The following CD72 variants were observed in gnomAD, a reference collection of about 807,000 sequenced individuals.
CD72 encodes CD72 molecule, also known as B-cell differentiation antigen CD72.
In CD72, 28 loss-of-function variants were observed where a neutral mutation model predicts 50.7. The observed-to-expected ratio is 0.55, with a 90% CI of 0.41 to 0.76. CD72 has a LOEUF of 0.76. Among genes scored for constraint, CD72 ranks in the 30% least tolerant of loss-of-function variants. The pLI, the probability that CD72 is intolerant of heterozygous loss-of-function variation, is 0.00. For synonymous variants in CD72, 176 were observed against 171.2 expected (o/e 1.03, Z -0.22); for missense variants, 403 against 420.6 (o/e 0.96, Z 0.37).
intron 6 of CD72, 44 bp from the exon 7 acceptor site, chr9:35,611,963 G>A: frequency 9.6e-7 from 1 of 1,046,184 alleles, no homozygotes; most frequent in Non-Finnish European, 1.5e-6. Context: ...GGAGAGTGAT[G>A]AGAAATATGG....
At chr9:35,627,854 G>C (rs1308780645) in intron 1 of CD72, among the ~76,000 whole-genome samples, 1 of 151,366 alleles carries the variant, frequency 6.6e-6, no homozygotes, top group Non-Finnish European at 1.5e-5. Context: ...TTTTTAATCA[G>C]AGTCAGCGTC....
Position 35,610,622 on chromosome 9 carries a change from T to C in CD72, c.*2A>G. 6.2e-7 allele frequency: 1 copy of C among 1,613,720 alleles called. No homozygotes were observed. Among genetic ancestry groups the C allele is most frequent in the Non-Finnish European group, 8.5e-7 (1 of 1,179,752 alleles). On this transcript the variant is annotated 3_prime_UTR_variant, in exon 8 of 9. Coordinates refer to ENST00000259633, the MANE Select transcript of CD72 (RefSeq NM_001782.3). The stretch of plus-strand genomic sequence containing the variant: ...CTTACCAACTCAGTGCAAAGGACTG[T>C]CCTAATCTGGAAACCTGAAAGCTGT...
chr9:35,633,294 CT>C (rs1823262978), intron 1 of CD72, among the ~76,000 whole-genome samples: 2 of 149,398 alleles, frequency 1.3e-5, no homozygotes, highest in Non-Finnish European at 1.5e-5. Flanking sequence ...TTAGTGTTAG[CT>C]TTAGTTATTA....
intron 1 of CD72, among the ~76,000 whole-genome samples, chr9:35,634,727 ACTT>A (rs1823274384): frequency 6.6e-6 from 1 of 151,996 alleles, no homozygotes; most frequent in Non-Finnish European, 1.5e-5. Flanking sequence ...CCTGCCTTAG[ACTT>A]CTGGAACACT....
intron 1 of CD72, among the ~76,000 whole-genome samples, chr9:35,630,991 A>G (rs752798477): frequency 3.2e-4 from 49 of 152,350 alleles, no homozygotes; most frequent in African/African-American, 1.1e-3. Flanking sequence ...AGAATAGTTC[A>G]TGGCATTATG....
intron 5 of CD72, 69 bp from the exon 6 acceptor site, chr9:35,613,062 T>C: frequency 7.5e-7 from 1 of 1,341,354 alleles, no homozygotes; most frequent in Non-Finnish European, 1.0e-6. Flanking sequence ...AATCTTTTGC[T>C]AACAATATTC....
intron 2 of CD72, 90 bp from the exon 3 acceptor site, chr9:35,617,337 A>G: frequency 7.1e-7 from 1 of 1,407,278 alleles, no homozygotes; most frequent in Middle Eastern, 2.2e-4. Flanking sequence ...GCCACTGGGA[A>G]ACTCCAGTCT....
intron 1 of CD72, among the ~76,000 whole-genome samples, chr9:35,624,654 G>A (rs767918653): frequency 2.0e-5 from 3 of 152,166 alleles, no homozygotes; most frequent in Non-Finnish European, 2.9e-5. Flanking sequence ...CACTTATTAC[G>A]CTTCACAGAT....
intron 1 of CD72, among the ~76,000 whole-genome samples, chr9:35,637,147 A>C (rs1038549913): frequency 2.6e-5 from 4 of 152,080 alleles, no homozygotes; most frequent in Admixed American, 1.3e-4. Flanking sequence ...ACTTTGTAAG[A>C]AGATCTACCC....
In CD72 at chr9:35,617,079, C is replaced by T. The variant is rs752412866; in HGVS notation, c.262+97G>A. On this transcript the variant is annotated intron_variant, in intron 3 of 8. Transcript: ENST00000259633. ...TCGGAAGGACTGCGCCCGGGTTTAT[C>T]CCGGAAGGAGCTGCACCCCGCGGGG... 65 of 1,515,558 alleles carry T rather than the reference C, an allele frequency of 4.3e-5. No homozygotes were observed. The South Asian group carries it at 7.1e-4, about 17-fold the overall frequency. The allele number at this position is 1,515,558 out of a possible 1,614,324, so 93.9% of individuals were successfully genotyped here.
rs1377838288 is a variant in CD72 at position 35,617,960 on chromosome 9, C to T, written c.190+54G>A. ...ACAACAACAAAAACATTGTGGACTC[C>T]CCAGCTCAAGACACAGCCCCCCAAC... On this transcript the variant is annotated intron_variant, in intron 2 of 8. Coordinates refer to ENST00000259633, the MANE Select transcript of CD72 (RefSeq NM_001782.3). 2.9e-6 allele frequency: 3 copies of T among 1,051,382 alleles called. No individual in the cohort carries two copies. The South Asian group carries it at 3.8e-5, about 13-fold the overall frequency. 65.1% of individuals were successfully genotyped at this position (1,051,382 alleles called of 1,614,324 possible).
At chr9:35,631,444 C>T (rs1823245130) in intron 1 of CD72, among the ~76,000 whole-genome samples, 2 of 152,168 alleles carry the variant, frequency 1.3e-5, no homozygotes, top group South Asian at 4.1e-4. Flanking sequence ...ACCATATTTG[C>T]TTTTAGGTTT....
chr9:35,629,055 T>TTTA (rs1823220451), intron 1 of CD72, among the ~76,000 whole-genome samples: 1 of 151,946 alleles, frequency 6.6e-6, no homozygotes, highest in Admixed American at 6.6e-5. Context: ...AATTTTTTTT[T>TTTA]TTTAAGAGAT....
rs780797293 is a variant in CD72 at position 35,618,247 on chromosome 9, C to T, written c.57G>A (p.Lys19=). The change falls in exon 1 of 9, where the codon AAG becomes AAA. Residue 19 remains lysine (K), a synonymous_variant. Transcript: ENST00000259633. ...DLRFVKAPLK[K]SISSRLGQDP... is the part of the protein sequence containing the mutation. ...CCTGTCCTAACCGGCTGGAGATGCTCTTCTTCAGGGGAGCCTTCACAAACC... is the reference window on the plus strand; with the variant it reads ...CCTGTCCTAACCGGCTGGAGATGCTTTTCTTCAGGGGAGCCTTCACAAACC... The T allele has an allele frequency of 1.9e-6, 3 of 1,614,172 alleles. No homozygotes were observed. The highest frequency in any genetic ancestry group is 1.6e-4 in the Middle Eastern group (1 of 6,062).
chr9:35,644,179 T>A (rs183736220), intron 1 of CD72, among the ~76,000 whole-genome samples: 13 of 150,158 alleles, frequency 8.7e-5, no homozygotes, highest in African/African-American at 2.9e-4. Flanking sequence ...ACCCCATCTC[T>A]ACTAAAAATA....
chr9:35,632,043 T>C (rs1823250824), intron 1 of CD72, among the ~76,000 whole-genome samples: 1 of 152,202 alleles, frequency 6.6e-6, no homozygotes, highest in Admixed American at 6.5e-5. Context: ...CTAAAATAAG[T>C]TGGGCTCTTC....
chr9:35,624,348 A>G (rs1432972940), upstream of CD72, among the ~76,000 whole-genome samples: 1 of 152,004 alleles, frequency 6.6e-6, no homozygotes, highest in Non-Finnish European at 1.5e-5. Flanking sequence ...CGACCTGGAC[A>G]TCAGGATGAG....
At chr9:35,640,514 C>T (rs1465118128) in intron 1 of CD72, among the ~76,000 whole-genome samples, 9 of 152,194 alleles carry the variant, frequency 5.9e-5, no homozygotes, top group Non-Finnish European at 1.0e-4. Flanking sequence ...GTGTTCAGCT[C>T]GATTAGGACG....
At chr9:35,613,774 G>A (rs554086460) in intron 5 of CD72, among the ~76,000 whole-genome samples, 2 of 152,110 alleles carry the variant, frequency 1.3e-5, no homozygotes, top group South Asian at 4.1e-4. Context: ...AGGCCGAGGC[G>A]GGGTGGATCA....
Sources: gnomAD v4.1 joint callset for allele counts (sites outside exome capture counted in the v4.1 genomes callset) on GRCh38, gnomAD v4.1.1 for gene constraint, MANE v1.5 for transcripts, NCBI Gene and HGNC (gene_info 2026-07-23, HGNC 2026-07-21) for gene names.